The following QTGAL variants were observed in gnomAD, a reference collection of about 807,000 sequenced individuals.
QTGAL encodes the protein queuosine-tRNA galactosyltransferase, also known as BGnT-like protein 1.
the QTGAL span, among the ~76,000 whole-genome samples, chr17:83,026,459 G>A: frequency 3.3e-5 from 5 of 152,310 alleles, no homozygotes; most frequent in South Asian, 2.1e-4. Flanking sequence ...CAAACAAACC[G>A]CAGAGGACAG....
At chr17:82,967,898 G>A in the QTGAL span, among the ~76,000 whole-genome samples, 3 of 152,098 alleles carry the variant, frequency 2.0e-5, no homozygotes, top group East Asian at 5.8e-4. Flanking sequence ...TCGCACCACA[G>A]CACTCACTCC....
the QTGAL span, among the ~76,000 whole-genome samples, chr17:83,033,083 T>C: frequency 6.6e-6 from 1 of 152,232 alleles, no homozygotes; most frequent in African/African-American, 2.4e-5. Context: ...CCCCGGAACC[T>C]GGCCACAGAG....
At chr17:82,977,743 G>A in the QTGAL span, among the ~76,000 whole-genome samples, 3 of 152,114 alleles carry the variant, frequency 2.0e-5, no homozygotes, top group South Asian at 2.1e-4. Context: ...GGACGGTGAC[G>A]CCCGAGAGGA....
the QTGAL span, among the ~76,000 whole-genome samples, chr17:83,036,087 G>C: frequency 2.0e-5 from 3 of 152,202 alleles, no homozygotes; most frequent in Non-Finnish European, 2.9e-5. Context: ...ATACTGTGCG[G>C]CGTAAACCCA....
the QTGAL span, among the ~76,000 whole-genome samples, chr17:83,002,793 A>G: frequency 6.6e-6 from 1 of 152,174 alleles, no homozygotes; most frequent in Non-Finnish European, 1.5e-5. Flanking sequence ...CTGGGGGCAC[A>G]CGGGACACGG....
chr17:82,964,773 ACGCC>A, the QTGAL span, among the ~76,000 whole-genome samples: 1 of 105,642 alleles, frequency 9.5e-6, no homozygotes, highest in Non-Finnish European at 1.9e-5. Flanking sequence ...GGGGACACGG[ACGCC>A]TGCAGGTGCA....
At chr17:83,033,272 C>T in the QTGAL span, among the ~76,000 whole-genome samples, 2 of 152,186 alleles carry the variant, frequency 1.3e-5, no homozygotes, top group Admixed American at 1.3e-4. Context: ...AACTTCTCCA[C>T]CGTGACCCTC....
chr17:83,022,067 TG>T, the QTGAL span, among the ~76,000 whole-genome samples: 1 of 152,154 alleles, frequency 6.6e-6, no homozygotes, highest in Admixed American at 6.5e-5. Context: ...GAGGTCTCAA[TG>T]TAAAAGATAA....
chr17:83,005,764 ACATCCTGT>A, the QTGAL span: 2 of 878,778 alleles, frequency 2.3e-6, no homozygotes, highest in Non-Finnish European at 3.5e-6. The surrounding 1 kb of genome is among the most constrained non-coding windows in gnomAD (Gnocchi z 5.6). Context: ...GCCTCAGGTG[ACATCCTGT>A]CAGTAGCCTT....
the QTGAL span, among the ~76,000 whole-genome samples, chr17:83,050,859 T>TGCACGGGCAGGTATGGG: frequency 6.8e-6 from 1 of 146,186 alleles, no homozygotes; most frequent in Admixed American, 6.8e-5. Context: ...GCACGGCAGG[T>TGCACGGGCAGGTATGGG]GCACGGGCAG....
the QTGAL span, among the ~76,000 whole-genome samples, chr17:82,994,435 C>A: frequency 6.6e-6 from 1 of 151,726 alleles, no homozygotes; most frequent in Non-Finnish European, 1.5e-5. Flanking sequence ...GGGAAGAGAT[C>A]TAGAAAATCT....
At chr17:82,982,461 A>AGAAAAGGGCCT in the QTGAL span, among the ~76,000 whole-genome samples, 1,603 of 152,180 alleles carry the variant, frequency 0.011, 33 homozygotes, top group African/African-American at 0.037. Flanking sequence ...AAATGAGCCC[A>AGAAAAGGGCCT]CAAAAGGGCC....
At chr17:82,975,873 G>C in the QTGAL span, among the ~76,000 whole-genome samples, 13 of 58,662 alleles carry the variant, frequency 2.2e-4, no homozygotes, top group African/African-American at 1.3e-3. Context: ...CATCCTCCCA[G>C]GGGCCGGAGG....
At chr17:83,012,559 G>A in the QTGAL span, among the ~76,000 whole-genome samples, 2 of 152,138 alleles carry the variant, frequency 1.3e-5, no homozygotes, top group African/African-American at 4.8e-5. Flanking sequence ...TCCAGCTCAC[G>A]GGCCGGCACA....
At chr17:82,985,097 A>T in the QTGAL span, among the ~76,000 whole-genome samples, 1 of 152,210 alleles carries the variant, frequency 6.6e-6, no homozygotes, top group African/African-American at 2.4e-5. Context: ...CCTGTCTCAG[A>T]CAGGGGCGCT....
the QTGAL span, among the ~76,000 whole-genome samples, chr17:83,000,682 C>G: frequency 2.6e-5 from 4 of 152,206 alleles, no homozygotes; most frequent in Non-Finnish European, 4.4e-5. Context: ...TGCTGTTTGT[C>G]TGAAAGCTTT....
At chr17:82,970,665 C>A in the QTGAL span, among the ~76,000 whole-genome samples, 1 of 149,482 alleles carries the variant, frequency 6.7e-6, no homozygotes, top group African/African-American at 2.5e-5. Flanking sequence ...GCGACCTCCG[C>A]ACCCAGCGTG....
the QTGAL span, among the ~76,000 whole-genome samples, chr17:82,966,283 G>A: frequency 1.3e-4 from 19 of 151,742 alleles, no homozygotes; most frequent in South Asian, 4.2e-4. Flanking sequence ...TTAAACTCCC[G>A]GCCTCAAGCG....
chr17:82,991,646 CCAGA>C, the QTGAL span, among the ~76,000 whole-genome samples: 1 of 152,058 alleles, frequency 6.6e-6, no homozygotes, highest in African/African-American at 2.4e-5. Context: ...TCTGCAATGC[CCAGA>C]CACAGATGAA....
Sources: allele counts gnomAD v4.1 joint callset (sites outside exome capture counted in the v4.1 genomes callset), GRCh38; gene constraint gnomAD v4.1.1; non-coding constraint Gnocchi (gnomAD v3.1); transcripts MANE v1.5; gene names NCBI Gene and HGNC (gene_info 2026-07-23, HGNC 2026-07-21).